TRIM37: variants seen among roughly 807,000 people sequenced by gnomAD.
TRIM37 encodes the protein E3 ubiquitin-protein ligase TRIM37.
Under a neutral mutation model 129.8 loss-of-function variants are expected in TRIM37, and 80 were observed. The ratio of observed to expected loss-of-function variants is 0.62; its 90% confidence interval spans 0.51 to 0.74. TRIM37 has a LOEUF of 0.74. Among genes scored for constraint, TRIM37 ranks in the 30% least tolerant of loss-of-function variants. TRIM37 has a pLI of 0.00. For missense variants in TRIM37, 1,054 were observed against 1,176.5 expected (o/e 0.90, Z 1.52); for synonymous variants, 389 against 387.1 (o/e 1.00, Z -0.06).
In TRIM37 at chr17:59,106,514, C is replaced by T; in HGVS notation, c.-53G>A. The T allele has an allele frequency of 6.2e-7, 1 of 1,610,780 alleles. No homozygotes were observed. The highest frequency in any genetic ancestry group is 8.5e-7 in the Non-Finnish European group (1 of 1,178,476). ...GCGACCCGCAGGCTCCGCAGTCTGACCTCTTAGGCGCCGGCCCGAGGTCGC... is the reference window on the plus strand; with the variant it reads ...GCGACCCGCAGGCTCCGCAGTCTGATCTCTTAGGCGCCGGCCCGAGGTCGC... On this transcript the variant is annotated 5_prime_UTR_variant, in exon 1 of 24. Transcript: ENST00000262294.
Position 59,070,930 on chromosome 17 carries a change from C to T in TRIM37, c.702G>A (p.Lys234=). The T allele has an allele frequency of 6.2e-7, 1 of 1,613,924 alleles. No homozygotes were observed. The highest frequency in any genetic ancestry group is 8.5e-7 in the Non-Finnish European group (1 of 1,179,948). The change falls in exon 9 of 24, where the codon AAG becomes AAA. Residue 234 remains lysine, a synonymous_variant. Transcript: ENST00000262294. ...EVEHQLRSCS[K]SELISKSSEI... ...CTGAGCTCTTAGATATCAACTCACTCTTACTACAAGACCGCAACTGTGTGA... is the reference window on the plus strand; with the variant it reads ...CTGAGCTCTTAGATATCAACTCACTTTTACTACAAGACCGCAACTGTGTGA...
chr17:58,994,018 G>T (rs533897838), downstream of TRIM37, among the ~76,000 whole-genome samples: 1 of 152,178 alleles, frequency 6.6e-6, no homozygotes, highest in African/African-American at 2.4e-5. Flanking sequence ...TTTTTTGTAG[G>T]GCATAGCCTG....
At chr17:59,065,478 A>T (rs914621866) in intron 9 of TRIM37, among the ~76,000 whole-genome samples, 4 of 152,208 alleles carry the variant, frequency 2.6e-5, no homozygotes, top group Non-Finnish European at 5.9e-5. Flanking sequence ...GTCCCATCCA[A>T]TCTTCTTCAG....
chr17:59,098,521 C>T (rs1253381377), intron 2 of TRIM37, among the ~76,000 whole-genome samples: 2 of 151,878 alleles, frequency 1.3e-5, no homozygotes, highest in Admixed American at 1.3e-4. Context: ...AAAAATTAGC[C>T]AGGCACGATG....
At chr17:59,099,375 C>T (rs911472146) in intron 2 of TRIM37, among the ~76,000 whole-genome samples, 2 of 151,298 alleles carry the variant, frequency 1.3e-5, no homozygotes, top group Non-Finnish European at 2.9e-5. Context: ...TCTATGTTTA[C>T]TTATGTTTAT....
Position 59,015,738 on chromosome 17 carries a change from G to T in TRIM37, c.2448C>A (p.Gly816=). The change falls in exon 21 of 24, where the codon GGC becomes GGA. Residue 816 remains glycine, a synonymous_variant. Coordinates refer to ENST00000262294, the MANE Select transcript of TRIM37 (RefSeq NM_015294.6). ...RHSSPRALIH[G]SIGDILPKTE... is the part of the protein sequence containing the mutation. ...TTTTTGGCAGAATATCACCGATACT[G>T]CCATGTATCAAGGCTCGGGGAGAAC... 6.2e-7 allele frequency: 1 copy of T among 1,614,004 alleles called. No homozygotes were observed. The highest frequency in any genetic ancestry group is 8.5e-7 in the Non-Finnish European group (1 of 1,179,998).
chr17:59,103,244 G>A (rs1414195728), intron 2 of TRIM37, among the ~76,000 whole-genome samples: 1 of 152,150 alleles, frequency 6.6e-6, no homozygotes, highest in Admixed American at 6.5e-5. Flanking sequence ...AATAATTGAA[G>A]GGGAATGTGA....
chr17:59,035,763 C>CAAAAAAACAAAAAAA (rs1568039723), intron 17 of TRIM37, among the ~76,000 whole-genome samples: 2 of 147,496 alleles, frequency 1.4e-5, no homozygotes, highest in African/African-American at 2.7e-5. Flanking sequence ...AAACAAAAAA[C>CAAAAAAACAAAAAAA]CAAAAAAACA....
chr17:59,005,774 T>C (rs1567949523), intron 22 of TRIM37, among the ~76,000 whole-genome samples: 1 of 152,238 alleles, frequency 6.6e-6, no homozygotes, highest in African/African-American at 2.4e-5. Context: ...ATAAGGATTT[T>C]GCTTCAAAAT....
At chr17:59,042,624 G>A (rs887748149) in intron 16 of TRIM37, among the ~76,000 whole-genome samples, 6 of 150,998 alleles carry the variant, frequency 4.0e-5, no homozygotes, top group African/African-American at 9.7e-5. Flanking sequence ...TTAGCTGGGC[G>A]TTGTGGTGGG....
At chr17:59,030,262 T>C (rs1202585250) in intron 18 of TRIM37, among the ~76,000 whole-genome samples, 1 of 152,148 alleles carries the variant, frequency 6.6e-6, no homozygotes, top group African/African-American at 2.4e-5. Flanking sequence ...CCTGCCACAA[T>C]GGCCGGCTAA....
Position 59,047,773 on chromosome 17 carries a change from T to C in TRIM37, c.1577A>G (p.Asp526Gly), listed in dbSNP as rs1010887871. The change falls in exon 16 of 24, where the codon GAT becomes GGT. Residue 526 changes from aspartate (D) to glycine (G), a missense_variant. Asp to Gly is a moderately conservative substitution (Grantham distance 94, BLOSUM62 -1). Transcript: ENST00000262294. ...GDLDLDLVYE[D>G]EVNQLDGSSS... ...GCTGCCATCGAGCTGATTTACTTCA[T>C]CCTCATAAACAAGATCCAGATCCAG... 1 of 1,613,988 alleles carries C rather than the reference T, an allele frequency of 6.2e-7. No individual in the cohort carries two copies. Among genetic ancestry groups the C allele is most frequent in the African/African-American group, 1.3e-5 (1 of 74,916 alleles).
chr17:59,032,159 C>T (rs2037918836), intron 17 of TRIM37, 69 bp from the exon 18 acceptor site: 5 of 1,460,840 alleles, frequency 3.4e-6, no homozygotes, highest in Admixed American at 1.7e-5. Flanking sequence ...AAAAAATGAA[C>T]TGGTTAACAT....
chr17:59,004,175 T>C (rs745791372), intron 22 of TRIM37, among the ~76,000 whole-genome samples: 3 of 151,888 alleles, frequency 2.0e-5, no homozygotes, highest in South Asian at 2.1e-4. Context: ...TTGTGTCAAA[T>C]AGAATGCCAT....
chr17:59,062,023 C>G (rs2041537134), intron 11 of TRIM37, among the ~76,000 whole-genome samples: 1 of 150,640 alleles, frequency 6.6e-6, no homozygotes, highest in Non-Finnish European at 1.5e-5. Flanking sequence ...TTATACAAAA[C>G]TTTTCTAAAA....
intron 17 of TRIM37, among the ~76,000 whole-genome samples, chr17:59,039,716 T>C (rs903095148): frequency 2.6e-5 from 4 of 151,952 alleles, no homozygotes; most frequent in Non-Finnish European, 4.4e-5. Flanking sequence ...TCTTTGAAGT[T>C]CCTCCTGACT....
the TRIM37 span, among the ~76,000 whole-genome samples, chr17:58,968,603 A>G: frequency 1.3e-5 from 2 of 152,206 alleles, no homozygotes; most frequent in Admixed American, 1.3e-4. Context: ...GAACAGAAAA[A>G]GAAGTCAAAA....
chr17:59,076,890 G>T (rs2042854953), intron 7 of TRIM37, among the ~76,000 whole-genome samples: 1 of 152,180 alleles, frequency 6.6e-6, no homozygotes, highest in African/African-American at 2.4e-5. Context: ...TTGGGTTCAA[G>T]TGATTCTCCT....
chr17:59,064,270 T>C, intron 10 of TRIM37, 85 bp downstream of exon 10: 1 of 1,015,218 alleles, frequency 9.9e-7, no homozygotes, highest in Non-Finnish European at 1.5e-6. Flanking sequence ...CACAGTTCAC[T>C]AGATTACTGT....
Sources: allele counts gnomAD v4.1 joint callset (sites outside exome capture counted in the v4.1 genomes callset), GRCh38; gene constraint gnomAD v4.1.1; transcripts MANE v1.5; gene names NCBI Gene and HGNC (gene_info 2026-07-23, HGNC 2026-07-21).